The following PRKN variants were observed in gnomAD, a reference collection of about 807,000 sequenced individuals.
The protein encoded by PRKN is parkin RBR E3 ubiquitin protein ligase.
A neutral mutation model predicts 59.5 loss-of-function variants in PRKN; 56 were observed. The ratio of observed to expected loss-of-function variants is 0.94; its 90% CI spans 0.76 to 1.18. The LOEUF is 1.18. PRKN is among the 50% of genes most tolerant of loss of function. The pLI is 0.00. For synonymous variants in PRKN, 250 were observed against 222.1 expected (o/e 1.13, Z -1.12); for missense variants, 657 against 596.4 (o/e 1.10, Z -1.06).
intron 6 of PRKN, among the ~76,000 whole-genome samples, chr6:161,838,927 C>G (rs1180929948): frequency 6.6e-6 from 1 of 152,196 alleles, no homozygotes; most frequent in Non-Finnish European, 1.5e-5. Context: ...CCATTCGACC[C>G]TGCAAGGGGC....
chr6:162,378,482 A>G (rs1309017406), intron 2 of PRKN, among the ~76,000 whole-genome samples: 8 of 152,248 alleles, frequency 5.3e-5, no homozygotes. Context: ...TTTCTATGTA[A>G]GAAGAGCAAC....
Position 161,352,771 on chromosome 6 carries a change from A to ATATATATATTTTTTT in PRKN, c.1286-2561_1286-2560insAAAAAAATATATATA. 8.6e-6 allele frequency among the ~76,000 whole-genome samples: 1 copy of ATATATATATTTTTTT among 116,900 alleles called. No individual in the cohort carries two copies. Among genetic ancestry groups the ATATATATATTTTTTT allele is most frequent in the East Asian group, 2.0e-4 (1 of 4,976 alleles). The allele number at this position is 116,900 out of a possible 152,430, so 76.7% of individuals were successfully genotyped here. A position where few individuals can be genotyped will look rare whatever the true frequency, so the allele number is the denominator to read the frequency against. On this transcript the variant is annotated intron_variant, in intron 11 of 11. Coordinates refer to ENST00000366898, the MANE Select transcript of PRKN (RefSeq NM_004562.3). This position sits in a 1 kb window ranked among gnomAD's most constrained non-coding sequence, Gnocchi z 5.8. ...TGTGTGTGTGTATATATATATATAT[A>ATATATATATTTTTTT]TTTTATTTTATTTTATTTTATTTTT...
intron 9 of PRKN, among the ~76,000 whole-genome samples, chr6:161,450,118 G>C (rs568198245): frequency 1.3e-4 from 20 of 152,296 alleles, no homozygotes; most frequent in African/African-American, 4.6e-4. Flanking sequence ...GCTTAAGAAG[G>C]CCTCTTGGTG....
chr6:162,338,139 A>G (rs1783933252), intron 2 of PRKN, among the ~76,000 whole-genome samples: 1 of 152,156 alleles, frequency 6.6e-6, no homozygotes, highest in Non-Finnish European at 1.5e-5. Flanking sequence ...TCCTGACTTC[A>G]AGGTTCTTAC....
In PRKN at chr6:161,551,080, T is replaced by G. The variant is rs1779996253; in HGVS notation, c.934-2077A>C. ...GGCAAACAAACTAGAATCTCTGAATTTATGGGGTAAGGTTCTCTGGACAGT... is the reference window on the plus strand; with the variant it reads ...GGCAAACAAACTAGAATCTCTGAATGTATGGGGTAAGGTTCTCTGGACAGT... On this transcript the variant is annotated intron_variant, in intron 8 of 11. Coordinates refer to ENST00000366898, the MANE Select transcript of PRKN (RefSeq NM_004562.3). The surrounding 1 kb of genome is among the most constrained non-coding windows in gnomAD (Gnocchi z 5.2). Among the ~76,000 whole-genome samples, 1 of 152,156 alleles carries G rather than the reference T, an allele frequency of 6.6e-6. No homozygotes were observed. Among genetic ancestry groups the G allele is most frequent in the Non-Finnish European group, 1.5e-5 (1 of 68,024 alleles).
At chr6:162,300,832 C>A (rs879271939) in intron 2 of PRKN, among the ~76,000 whole-genome samples, 2 of 152,106 alleles carry the variant, frequency 1.3e-5, no homozygotes, top group Non-Finnish European at 2.9e-5. Context: ...AACCTACCAA[C>A]AACCATTAAC....
At position 161,897,784 on chromosome 6, in the gene PRKN, A is replaced by ATTCTGGCT. The variant is rs1265388287; in HGVS notation, c.734+75517_734+75518insAGCCAGAA. Among the ~76,000 whole-genome samples, 34 of 148,490 alleles carry ATTCTGGCT rather than the reference A, an allele frequency of 2.3e-4. 1 individual carries two copies. In the East Asian group the frequency reaches 6.6e-3, roughly 29 times the overall value. On this transcript the variant is annotated intron_variant, in intron 6 of 11. Transcript: ENST00000366898. ...ATCACGAGGTCAGGAGATCGAGACC[A>ATTCTGGCT]AGGTGAAACCCCGTCTCTACTGAAA...
chr6:161,381,456 G>C (rs1453749818), intron 10 of PRKN, among the ~76,000 whole-genome samples: 1 of 152,178 alleles, frequency 6.6e-6, no homozygotes, highest in African/African-American at 2.4e-5. Flanking sequence ...GAATAAGATG[G>C]TGTACGTGAA....
intron 6 of PRKN, among the ~76,000 whole-genome samples, chr6:161,867,843 C>T (rs530954213): frequency 6.6e-6 from 1 of 151,820 alleles, no homozygotes; most frequent in Admixed American, 6.6e-5. Flanking sequence ...TCAGTGAAAC[C>T]TCCACCTCCC....
chr6:161,714,406 T>C (rs1786882523), intron 7 of PRKN, among the ~76,000 whole-genome samples: 1 of 152,162 alleles, frequency 6.6e-6, no homozygotes, highest in South Asian at 2.1e-4. Flanking sequence ...TTACTCCGCA[T>C]TAGGCTCTCT....
intron 4 of PRKN, among the ~76,000 whole-genome samples, chr6:162,091,295 C>G (rs1231213606): frequency 6.6e-6 from 1 of 151,914 alleles, no homozygotes; most frequent in African/African-American, 2.4e-5. Flanking sequence ...TAACTGCCTA[C>G]AAAAAGACAG....
At chr6:162,450,412 T>TA (rs1451242558) in intron 1 of PRKN, among the ~76,000 whole-genome samples, 4 of 148,256 alleles carry the variant, frequency 2.7e-5, no homozygotes, top group African/African-American at 1.0e-4. Flanking sequence ...CCTATGATTG[T>TA]AACACCCCTG....
chr6:162,327,944 C>T (rs79473416), intron 2 of PRKN, among the ~76,000 whole-genome samples: 5,306 of 152,134 alleles, frequency 0.035, 304 homozygotes, highest in African/African-American at 0.12. Flanking sequence ...AACAGGTCTG[C>T]GGGCTTGGAT....
intron 1 of PRKN, among the ~76,000 whole-genome samples, chr6:162,493,325 T>A (rs957509791): frequency 6.6e-6 from 1 of 152,110 alleles, no homozygotes; most frequent in African/African-American, 2.4e-5. Flanking sequence ...AAAGGAAACT[T>A]TGCTGGGTTT....
intron 7 of PRKN, among the ~76,000 whole-genome samples, chr6:161,692,130 G>A (rs1785821516): frequency 6.6e-6 from 1 of 152,086 alleles, no homozygotes. Flanking sequence ...TATCGGTGTG[G>A]GTTTTGCATG....
At chr6:162,540,293 G>T (rs1289613341) in intron 1 of PRKN, among the ~76,000 whole-genome samples, 1 of 151,946 alleles carries the variant, frequency 6.6e-6, no homozygotes, top group Non-Finnish European at 1.5e-5. Context: ...GCAATGGTGT[G>T]ATCTCAGCTC....
intron 1 of PRKN, among the ~76,000 whole-genome samples, chr6:162,693,732 A>C (rs935356144): frequency 6.6e-6 from 1 of 152,200 alleles, no homozygotes; most frequent in African/African-American, 2.4e-5. Context: ...TGTGCATAAT[A>C]AAAGTTCAAT....
At chr6:161,642,310 C>T (rs1199023742) in intron 7 of PRKN, among the ~76,000 whole-genome samples, 1 of 152,066 alleles carries the variant, frequency 6.6e-6, no homozygotes, top group African/African-American at 2.4e-5. Context: ...ATAAAGTGTA[C>T]CTTTAACTTG....
At chr6:162,691,986 C>A (rs1158952095) in intron 1 of PRKN, among the ~76,000 whole-genome samples, 5 of 144,892 alleles carry the variant, frequency 3.5e-5, no homozygotes, top group Non-Finnish European at 6.1e-5. Context: ...TCCATATGCA[C>A]AGATTAAAAA....
Sources: allele counts gnomAD v4.1 joint callset (sites outside exome capture counted in the v4.1 genomes callset), GRCh38; gene constraint gnomAD v4.1.1; non-coding constraint Gnocchi (gnomAD v3.1); transcripts MANE v1.5; gene names NCBI Gene and HGNC (gene_info 2026-07-23, HGNC 2026-07-21).